PRELID2: variants seen among roughly 807,000 people sequenced by gnomAD.
The protein encoded by PRELID2 is PRELI domain containing 2.
A neutral mutation model predicts 28.4 loss-of-function variants in PRELID2; 25 were observed. That is an observed-to-expected ratio of 0.88 (90% CI 0.64 to 1.23). The LOEUF is 1.23. Ranked by LOEUF, PRELID2 falls within the 50% of genes most tolerant of loss-of-function variation. The probability of loss-of-function intolerance (pLI) is 0.00; values close to 1 mark genes in which losing one functional copy is unlikely to be tolerated. For synonymous variants in PRELID2, 76 were observed against 71.6 expected (o/e 1.06, Z -0.31); for missense variants, 201 against 214.4 (o/e 0.94, Z 0.39).
chr5:145,454,943 A>T, the PRELID2 span, among the ~76,000 whole-genome samples: 2 of 152,002 alleles, frequency 1.3e-5, no homozygotes, highest in African/African-American at 4.8e-5. Flanking sequence ...TGTTCACTCT[A>T]ATGATAGTTT....
At chr5:145,432,992 G>A in the PRELID2 span, among the ~76,000 whole-genome samples, 1 of 152,026 alleles carries the variant, frequency 6.6e-6, no homozygotes, top group East Asian at 1.9e-4. Flanking sequence ...GGGACGAGAA[G>A]GGTCAACTCC....
chr5:145,291,335 C>CA, the PRELID2 span, among the ~76,000 whole-genome samples: 1 of 57,474 alleles, frequency 1.7e-5, no homozygotes, highest in Non-Finnish European at 2.8e-5. Flanking sequence ...GACTCTGTTT[C>CA]AGAAAAAAAA....
chr5:145,609,532 C>T (rs62394196), intron 1 of PRELID2, among the ~76,000 whole-genome samples: 21,246 of 152,234 alleles, frequency 0.14, 2,233 homozygotes, highest in African/African-American at 0.27. Flanking sequence ...AGCCCTAATC[C>T]GCTGTCTGAG....
the PRELID2 span, among the ~76,000 whole-genome samples, chr5:145,412,554 C>T: frequency 6.6e-6 from 1 of 152,186 alleles, no homozygotes. Context: ...ATCTTCCTAC[C>T]TTCTAATTTC....
At chr5:145,655,142 A>G (rs982801689) in intron 1 of PRELID2, among the ~76,000 whole-genome samples, 4 of 151,726 alleles carry the variant, frequency 2.6e-5, no homozygotes, top group Admixed American at 6.6e-5. Flanking sequence ...GTGAACTCCC[A>G]TTCACAATTG....
At chr5:145,482,600 C>T (rs867170109) in intron 1 of PRELID2, among the ~76,000 whole-genome samples, 2 of 152,024 alleles carry the variant, frequency 1.3e-5, no homozygotes, top group African/African-American at 4.8e-5. Flanking sequence ...AATTTTTCCA[C>T]GAACTGGGTT....
chr5:145,280,427 C>T, the PRELID2 span, among the ~76,000 whole-genome samples: 24 of 152,112 alleles, frequency 1.6e-4, no homozygotes, highest in South Asian at 4.1e-4. Flanking sequence ...TGATGTATGG[C>T]GTGCATTAAC....
At chr5:145,330,127 T>C in the PRELID2 span, among the ~76,000 whole-genome samples, 1 of 152,318 alleles carries the variant, frequency 6.6e-6, no homozygotes, top group East Asian at 1.9e-4. Flanking sequence ...TGAAGCCAAG[T>C]TGATCATGGT....
chr5:145,246,507 G>A, the PRELID2 span, among the ~76,000 whole-genome samples: 1 of 152,078 alleles, frequency 6.6e-6, no homozygotes, highest in South Asian at 2.1e-4. Flanking sequence ...AGTTTAGATT[G>A]AGAAAGCCTC....
chr5:145,468,218 C>A (rs564110680), downstream of PRELID2, among the ~76,000 whole-genome samples: 5 of 152,266 alleles, frequency 3.3e-5, no homozygotes, highest in African/African-American at 9.6e-5. Context: ...TTTCCAGCTT[C>A]ATCCATGTCC....
chr5:145,517,807 A>G (rs1176475975), intron 1 of PRELID2, among the ~76,000 whole-genome samples: 1 of 152,220 alleles, frequency 6.6e-6, no homozygotes, highest in South Asian at 2.1e-4. Context: ...AATACTATGC[A>G]GCCATAAAAA....
At chr5:145,428,393 C>A in the PRELID2 span, among the ~76,000 whole-genome samples, 4 of 152,106 alleles carry the variant, frequency 2.6e-5, no homozygotes, top group African/African-American at 7.2e-5. Context: ...TAAAACACTT[C>A]TAAGCTTTTC....
chr5:145,428,184 C>A, the PRELID2 span, among the ~76,000 whole-genome samples: 4 of 152,126 alleles, frequency 2.6e-5, no homozygotes, highest in African/African-American at 9.7e-5. Flanking sequence ...GTCTCAAACT[C>A]TTGACCTCAG....
chr5:145,555,296 C>T (rs1173399580), intron 1 of PRELID2, among the ~76,000 whole-genome samples: 1 of 152,114 alleles, frequency 6.6e-6, no homozygotes, highest in Non-Finnish European at 1.5e-5. Flanking sequence ...TGAAGGCATA[C>T]CTTGAACTCT....
At chr5:145,341,996 A>G in the PRELID2 span, among the ~76,000 whole-genome samples, 6 of 152,198 alleles carry the variant, frequency 3.9e-5, no homozygotes, top group African/African-American at 1.2e-4. Flanking sequence ...AGTGAATCCT[A>G]AAAACAGCAA....
the PRELID2 span, among the ~76,000 whole-genome samples, chr5:145,260,975 G>T: frequency 6.6e-6 from 1 of 152,190 alleles, no homozygotes; most frequent in Non-Finnish European, 1.5e-5. Flanking sequence ...TTGAGTGGGG[G>T]CATGGTGGGA....
chr5:145,481,622 TCAAAA>T, intron 1 of PRELID2, among the ~76,000 whole-genome samples: 2 of 2,234 alleles, frequency 9.0e-4, no homozygotes, highest in African/African-American at 2.6e-3. Context: ...AGCAAGGAAA[TCAAAA>T]AAAAAAAAAA....
At chr5:145,449,536 C>A in the PRELID2 span, among the ~76,000 whole-genome samples, 1 of 152,034 alleles carries the variant, frequency 6.6e-6, no homozygotes, top group Non-Finnish European at 1.5e-5. Flanking sequence ...TATATGGGTA[C>A]ATAACAGGGG....
At chr5:145,354,079 A>C in the PRELID2 span, among the ~76,000 whole-genome samples, 126 of 152,286 alleles carry the variant, frequency 8.3e-4, no homozygotes, top group Non-Finnish European at 1.5e-3. Flanking sequence ...TGTCATTTAG[A>C]TAGTACTTTG....
Sources: allele counts gnomAD v4.1 joint callset (sites outside exome capture counted in the v4.1 genomes callset), GRCh38; gene constraint gnomAD v4.1.1; transcripts MANE v1.5; gene names NCBI Gene and HGNC (gene_info 2026-07-23, HGNC 2026-07-21).